Variants in ADAMTS3 observed in about 807,000 individuals in gnomAD.
ADAMTS3 encodes ADAM metallopeptidase with thrombospondin type 1 motif 3, also known as A disintegrin and metalloproteinase with thrombospondin motifs 3.
A neutral mutation model predicts 129.0 loss-of-function variants in ADAMTS3; 73 were observed. The ratio of observed to expected loss-of-function variants is 0.57; its 90% confidence interval spans 0.47 to 0.69. The LOEUF is 0.69. Ranked by LOEUF, ADAMTS3 falls within the 30% of genes least tolerant of loss-of-function variation. The pLI is 0.00. For missense variants in ADAMTS3, 1,457 were observed against 1,514.5 expected (o/e 0.96, Z 0.63); for synonymous variants, 477 against 510.8 (o/e 0.93, Z 0.89).
intron 4 of ADAMTS3, among the ~76,000 whole-genome samples, chr4:72,397,981 A>AAAAC (rs1172156131): frequency 6.6e-6 from 1 of 152,162 alleles, no homozygotes; most frequent in African/African-American, 2.4e-5. Flanking sequence ...AAGGAGACCC[A>AAAAC]AAACAACTGA....
intron 2 of ADAMTS3, among the ~76,000 whole-genome samples, chr4:72,559,855 T>C (rs186811544): frequency 6.6e-6 from 1 of 151,876 alleles, no homozygotes. Flanking sequence ...TTAAAATTCA[T>C]ATGGAACCAA....
chr4:72,425,172 C>T (rs1304173017), intron 3 of ADAMTS3, among the ~76,000 whole-genome samples: 1 of 152,084 alleles, frequency 6.6e-6, no homozygotes, highest in Non-Finnish European at 1.5e-5. Context: ...TGAGTATTCT[C>T]AGAAAAAGTT....
At chr4:72,436,354 C>A (rs1184219541) in intron 3 of ADAMTS3, among the ~76,000 whole-genome samples, 1 of 152,072 alleles carries the variant, frequency 6.6e-6, no homozygotes, top group Non-Finnish European at 1.5e-5. Flanking sequence ...AGTCAGGAAA[C>A]AACAGGTGCT....
chr4:72,371,306 A>T (rs1261340307), intron 4 of ADAMTS3, among the ~76,000 whole-genome samples: 3 of 152,056 alleles, frequency 2.0e-5, no homozygotes, highest in East Asian at 3.9e-4. Flanking sequence ...TATTTGAATT[A>T]AAAAAAAGAC....
At chr4:72,564,541 T>TA (rs995787744) in intron 2 of ADAMTS3, among the ~76,000 whole-genome samples, 10 of 152,128 alleles carry the variant, frequency 6.6e-5, no homozygotes, top group African/African-American at 2.4e-4. Context: ...TGGGTATAGG[T>TA]AGGTGGTTAG....
rs112139918 is a variant in ADAMTS3 at position 72,321,175 on chromosome 4, G to A, written c.946-305C>T. On this transcript the variant is annotated intron_variant, in intron 6 of 21. Coordinates refer to ENST00000286657, the MANE Select transcript of ADAMTS3 (RefSeq NM_014243.3). ...GTCAAATTATACCATTTATGAGAAT[G>A]GTTTTGTTTTGTTTGAGACAGAATC... Among the ~76,000 whole-genome samples the A allele has an allele frequency of 6.1e-4, 92 of 151,918 alleles. 2 individuals carry two copies. The highest frequency in any genetic ancestry group is 2.1e-3 in the African/African-American group (88 of 41,454).
intron 3 of ADAMTS3, among the ~76,000 whole-genome samples, chr4:72,448,596 G>A (rs1718316011): frequency 6.6e-6 from 1 of 151,518 alleles, no homozygotes. Flanking sequence ...AATTTATATG[G>A]CATTATCAAT....
chr4:72,543,783 A>G (rs1721394330), intron 3 of ADAMTS3, among the ~76,000 whole-genome samples: 1 of 152,094 alleles, frequency 6.6e-6, no homozygotes, highest in Non-Finnish European at 1.5e-5. Context: ...AATTCTGGAG[A>G]TGGATGGTAG....
In ADAMTS3 at chr4:72,532,491, GCACACA is replaced by G. The variant is rs35399046; in HGVS notation, c.504+15981_504+15986del. On this transcript the variant is annotated intron_variant, in intron 3 of 21. Transcript: ENST00000286657. ...CCTTCTGCTCTTAATAATTTAATATGCACACACACACACACACACACACACACACGT... is the reference window on the plus strand; with the variant it reads ...CCTTCTGCTCTTAATAATTTAATATGCACACACACACACACACACACACGT... Among the ~76,000 whole-genome samples, 1,025 of 148,738 alleles carry G rather than the reference GCACACA, an allele frequency of 6.9e-3. 9 individuals are homozygous for G. The highest frequency in any genetic ancestry group is 0.021 in the African/African-American group (837 of 40,518).
intron 3 of ADAMTS3, among the ~76,000 whole-genome samples, chr4:72,443,813 T>C (rs954200956): frequency 6.6e-6 from 1 of 151,622 alleles, no homozygotes; most frequent in Non-Finnish European, 1.5e-5. Context: ...AAAAGAGTAA[T>C]ACTGGTCATT....
intron 4 of ADAMTS3, among the ~76,000 whole-genome samples, chr4:72,365,608 G>A (rs185009495): frequency 1.1e-4 from 16 of 152,174 alleles, no homozygotes; most frequent in Admixed American, 9.8e-4. Context: ...TCATAAATTG[G>A]TATATTTATA....
intron 3 of ADAMTS3, among the ~76,000 whole-genome samples, chr4:72,495,382 G>A (rs1202148310): frequency 6.6e-6 from 1 of 151,944 alleles, no homozygotes; most frequent in Non-Finnish European, 1.5e-5. Context: ...GTGCAGCTGT[G>A]GTATCTCTGC....
At chr4:72,289,800 C>T (rs1220101463) in intron 20 of ADAMTS3, among the ~76,000 whole-genome samples, 2 of 152,116 alleles carry the variant, frequency 1.3e-5, no homozygotes, top group Non-Finnish European at 2.9e-5. Flanking sequence ...CCATGTGATG[C>T]CTTCAGCTAC....
chr4:72,358,507 A>C (rs1357937725), intron 4 of ADAMTS3, among the ~76,000 whole-genome samples: 2 of 151,830 alleles, frequency 1.3e-5, no homozygotes, highest in Non-Finnish European at 1.5e-5. Flanking sequence ...TTTTTCGTTG[A>C]TCTGCTTGTT....
At chr4:72,481,476 G>T (rs2110006321) in intron 3 of ADAMTS3, among the ~76,000 whole-genome samples, 1 of 152,262 alleles carries the variant, frequency 6.6e-6, no homozygotes, top group Non-Finnish European at 1.5e-5. Flanking sequence ...AATGGTGCTA[G>T]AGCAATTGAC....
At chr4:72,429,499 A>T (rs892773576) in intron 3 of ADAMTS3, among the ~76,000 whole-genome samples, 2 of 152,080 alleles carry the variant, frequency 1.3e-5, no homozygotes, top group Admixed American at 6.6e-5. Context: ...AATCCAAAAT[A>T]ACCTAACTTT....
chr4:72,459,420 C>T (rs1340916910), intron 3 of ADAMTS3, among the ~76,000 whole-genome samples: 1 of 151,544 alleles, frequency 6.6e-6, no homozygotes, highest in Non-Finnish European at 1.5e-5. Flanking sequence ...AAATCCTTAG[C>T]AATAAACGCA....
chr4:72,283,082 A>C lies in ADAMTS3; in HGVS notation c.*54T>G. On this transcript the variant is annotated 3_prime_UTR_variant, in exon 22 of 22. Transcript: ENST00000286657. The stretch of plus-strand genomic sequence containing the variant: ...TTAAACAAGCATATGCACCATGGGA[A>C]GAGAGAGGTTGTCCAGGTTTTCCTC... 2.2e-5 allele frequency: 31 copies of C among 1,436,698 alleles called. No individual in the cohort carries two copies. Among genetic ancestry groups the C allele is most frequent in the Non-Finnish European group, 2.8e-5 (29 of 1,049,664 alleles). The allele number at this position is 1,436,698 out of a possible 1,614,324, so 89.0% of individuals were successfully genotyped here.
intron 3 of ADAMTS3, among the ~76,000 whole-genome samples, chr4:72,503,060 G>A (rs1462387755): frequency 6.6e-6 from 1 of 152,030 alleles, no homozygotes; most frequent in Non-Finnish European, 1.5e-5. Flanking sequence ...GTCTCACTCT[G>A]TTGCCCAGGC....
Sources: gnomAD v4.1 joint callset for allele counts (sites outside exome capture counted in the v4.1 genomes callset) on GRCh38, gnomAD v4.1.1 for gene constraint, MANE v1.5 for transcripts, NCBI Gene and HGNC (gene_info 2026-07-23, HGNC 2026-07-21) for gene names.